Variants in DCAF12L1 observed in about 807,000 individuals in gnomAD.
DCAF12L1 encodes DDB1- and CUL4-associated factor 12-like protein 1.
For missense variants in DCAF12L1, 251 were observed against 409.2 expected, an observed-to-expected ratio of 0.61 and a Z score of 3.34; for synonymous variants, 218 against 196.4, an observed-to-expected ratio of 1.11 and a Z score of -0.92.
rs1569420453 is a variant in DCAF12L1, at chrX:126,550,422, CTATT to C, written c.*704_*707del. On this transcript the variant is annotated 3_prime_UTR_variant, in exon 2 of 2. Coordinates refer to ENST00000371126, the MANE Select transcript of DCAF12L1 (RefSeq NM_178470.5). Reference sequence around the variant, plus strand: ...AGTGAAAAAATACACATTCTTTTATCTATTTAAGGACAGGTGATAACAACTTAAA... The same window carrying C: ...AGTGAAAAAATACACATTCTTTTATCTAAGGACAGGTGATAACAACTTAAA... 8.9e-6 allele frequency: 1 copy of C among 111,978 alleles called. No homozygotes were observed. The allele number at this position is 111,978 out of a possible 1,213,427, so 9.2% of individuals were successfully genotyped here.
At position 126,549,522 on chromosome X, in the gene DCAF12L1, G is replaced by A. The variant is rs1927428706; in HGVS notation, c.*1608C>T. ...TGGAGAAATGAGGCAATATAAAGAT[G>A]ACAATTGTATTCTCTGTTCTCAAGA... On this transcript the variant is annotated 3_prime_UTR_variant, in exon 2 of 2. Transcript: ENST00000371126. 8.9e-6 allele frequency: 1 copy of A among 112,155 alleles called. No individual in the cohort carries two copies. The highest frequency in any genetic ancestry group is 3.2e-5 in the African/African-American group (1 of 30,872). The allele number at this position is 112,155 out of a possible 1,213,427, so 9.2% of individuals were successfully genotyped here. A position where few individuals can be genotyped will look rare whatever the true frequency, so the allele number is the denominator to read the frequency against.
At position 126,549,965 on chromosome X, in the gene DCAF12L1, T is replaced by A. The variant is rs1927435292; in HGVS notation, c.*1165A>T. On this transcript the variant is annotated 3_prime_UTR_variant, in exon 2 of 2. Coordinates refer to ENST00000371126, the MANE Select transcript of DCAF12L1 (RefSeq NM_178470.5). Reference sequence around the variant, plus strand: ...TCAACCTCATCCTATTTATTTTAAATCTCACCTATCTTGAAACGAACTTCC... The same window carrying A: ...TCAACCTCATCCTATTTATTTTAAAACTCACCTATCTTGAAACGAACTTCC... 8.9e-6 allele frequency: 1 copy of A among 112,407 alleles called. No homozygotes were observed. The highest frequency in any genetic ancestry group is 3.2e-5 in the African/African-American group (1 of 30,936). The allele number at this position is 112,407 out of a possible 1,213,427, so 9.3% of individuals were successfully genotyped here.
rs949516013 is a variant in DCAF12L1, at chrX:126,549,384, T to C, written c.*1746A>G. The C allele has an allele frequency of 7.2e-5, 8 of 111,719 alleles. No homozygotes were observed. In the Admixed American group the frequency reaches 7.6e-4, roughly 11 times the overall value. 9.2% of individuals were successfully genotyped at this position (111,719 alleles called of 1,213,427 possible). A position where few individuals can be genotyped will look rare whatever the true frequency, so the allele number is the denominator to read the frequency against. On this transcript the variant is annotated 3_prime_UTR_variant, in exon 2 of 2. Transcript: ENST00000371126. Reference sequence around the variant, plus strand: ...GGGAAAACACAACAGGATTCTATATTATTTAAGAGTAAATATTTATTTATT... The same window carrying C: ...GGGAAAACACAACAGGATTCTATATCATTTAAGAGTAAATATTTATTTATT...
At position 126,552,528 on chromosome X, in the gene DCAF12L1, G is replaced by A. The variant is rs1343782310; in HGVS notation, c.81C>T (p.Gly27=). ...EADAESSPSQ[G]LAAADGEGPL... ...GCCCCTCACCGTCCGCTGCCGCCAAGCCCTGCGACGGCGAGCTCTCGGCGT... is the reference window on the plus strand; with the variant it reads ...GCCCCTCACCGTCCGCTGCCGCCAAACCCTGCGACGGCGAGCTCTCGGCGT... Residue 27 remains glycine, a synonymous_variant, in exon 1 of 2, where the codon GGC becomes GGT. Coordinates refer to ENST00000371126, the MANE Select transcript of DCAF12L1 (RefSeq NM_178470.5). 1 of 1,209,190 alleles carries A rather than the reference G, an allele frequency of 8.3e-7. No individual in the cohort carries two copies. Among genetic ancestry groups the A allele is most frequent in the Non-Finnish European group, 1.1e-6 (1 of 895,299 alleles).
rs2147230959 is a variant in DCAF12L1 at position 126,552,509 on chromosome X, C to T, written c.100G>A (p.Glu34Lys). The T allele has an allele frequency of 8.3e-7, 1 of 1,208,287 alleles. No homozygotes were observed. The highest frequency in any genetic ancestry group is 2.2e-5 in the Admixed American group (1 of 45,910). ...PSQGLAAADG[E>K]GPLLLKRQRR... is the part of the protein sequence containing the mutation. ...TGCCTCTTGAGTAGCAGCGGCCCCT[C>T]ACCGTCCGCTGCCGCCAAGCCCTGC... The change falls in exon 1 of 2, where the codon GAG becomes AAG. Residue 34 changes from glutamate (E) to lysine (K), a missense_variant. Coordinates refer to ENST00000371126, the MANE Select transcript of DCAF12L1 (RefSeq NM_178470.5).
rs757472458 is a variant in DCAF12L1 at position 126,550,947 on chromosome X, T to C, written c.*183A>G. On this transcript the variant is annotated 3_prime_UTR_variant, in exon 2 of 2. Coordinates refer to ENST00000371126, the MANE Select transcript of DCAF12L1 (RefSeq NM_178470.5). ...ATGTATGAATCACTCAAAGAGAGAA[T>C]GCAACTAAAGATTAACGATTAACCA... The C allele has an allele frequency of 6.3e-6, 2 of 315,269 alleles. No homozygotes were observed. Among genetic ancestry groups the C allele is most frequent in the South Asian group, 2.3e-4 (2 of 8,734 alleles). 26.0% of individuals were successfully genotyped at this position (315,269 alleles called of 1,213,427 possible).
rs914971857 is a variant in DCAF12L1, at chrX:126,551,124, G to C, written c.*23-17C>G. 19 of 1,054,048 alleles carry C rather than the reference G, an allele frequency of 1.8e-5. No homozygotes were observed. The highest frequency in any genetic ancestry group is 1.5e-4 in the African/African-American group (8 of 52,440). The allele number at this position is 1,054,048 out of a possible 1,213,427, so 86.9% of individuals were successfully genotyped here. A position where few individuals can be genotyped will look rare whatever the true frequency, so the allele number is the denominator to read the frequency against. ...TGGTTCCACCTGGAAAACAAAAGAC[G>C]CACAGAGTTAAAAGCAAAAAAATGC... On this transcript the variant is annotated splice_polypyrimidine_tract_variant and intron_variant, in intron 1 of 1. Coordinates refer to ENST00000371126, the MANE Select transcript of DCAF12L1 (RefSeq NM_178470.5).
At position 126,551,319 on chromosome X, in the gene DCAF12L1, C is replaced by A. The variant is rs755096870; in HGVS notation, c.1290G>T (p.Ala430=). ...YFGGMEVFPN[A]LYTHCYNWPE... is the part of the protein sequence containing the mutation. The stretch of plus-strand genomic sequence containing the variant: ...GCCAGTTGTAGCAGTGGGTGTAGAG[C>A]GCATTGGGAAACACTTCCATGCCAC... The change falls in exon 1 of 2, where the codon GCG becomes GCT. Residue 430 remains alanine (A), a synonymous_variant. Transcript: ENST00000371126. 2 of 1,211,196 alleles carry A rather than the reference C, an allele frequency of 1.7e-6. No individual in the cohort carries two copies. Among genetic ancestry groups the A allele is most frequent in the East Asian group, 3.0e-5 (1 of 33,776 alleles).
In DCAF12L1 at chrX:126,551,413, C is replaced by T. The variant is rs1290316029; in HGVS notation, c.1196G>A (p.Arg399Lys). 4 of 1,210,314 alleles carry T rather than the reference C, an allele frequency of 3.3e-6. No homozygotes were observed. Among genetic ancestry groups the T allele is most frequent in the African/African-American group, 1.7e-5 (1 of 57,282 alleles). Residue 399 changes from arginine (R) to lysine (K), a missense_variant, in exon 1 of 2, where the codon AGG becomes AAG. Physicochemically the swap from Arg to Lys is conservative, Grantham distance 26. Coordinates refer to ENST00000371126, the MANE Select transcript of DCAF12L1 (RefSeq NM_178470.5). ...GCCACAGGCAAGCCTGAGCTTCCTC[C>T]TTGCAGGTCCCGAAGAGGACTCCAG... ...ATLESSSGPA[R>K]RKLRLACGRG...
In DCAF12L1 at chrX:126,549,546, GA is replaced by G. The variant is rs767357072; in HGVS notation, c.*1583del. The G allele has an allele frequency of 8.9e-5, 10 of 112,160 alleles. No homozygotes were observed. Among genetic ancestry groups the G allele is most frequent in the Non-Finnish European group, 1.7e-4 (9 of 53,252 alleles). The allele number at this position is 112,160 out of a possible 1,213,427, so 9.2% of individuals were successfully genotyped here. A position where few individuals can be genotyped will look rare whatever the true frequency, so the allele number is the denominator to read the frequency against. On this transcript the variant is annotated 3_prime_UTR_variant, in exon 2 of 2. Transcript: ENST00000371126. ...TGACAATTGTATTCTCTGTTCTCAA[GA>G]CATTTACAACTGACTTGGAGACGCA... is the stretch of plus-strand genomic sequence containing the variant.
In DCAF12L1 at chrX:126,551,590, T is replaced by G. The variant is rs772616476; in HGVS notation, c.1019A>C (p.Asn340Thr). The change falls in exon 1 of 2, where the codon AAC becomes ACC. Residue 340 changes from asparagine (N) to threonine (T), a missense_variant. Transcript: ENST00000371126. Reference sequence around the variant, plus strand: ...CTCTCGAGAACACAGGGGCCGGATGTTCTGCTGGTCCTGGCGCAGATCCAG... The same window carrying G: ...CTCTCGAGAACACAGGGGCCGGATGGTCTGCTGGTCCTGGCGCAGATCCAG... The part of the protein sequence containing the change: ...SFLDLRQDQQ[N>T]IRPLCSREGG... The G allele has an allele frequency of 1.7e-6, 2 of 1,211,473 alleles. No individual in the cohort carries two copies. The highest frequency in any genetic ancestry group is 2.2e-5 in the Admixed American group (1 of 46,092).
rs775537701 is a variant in DCAF12L1 at position 126,552,246 on chromosome X, G to A, written c.363C>T (p.Phe121=). The change falls in exon 1 of 2, where the codon TTC becomes TTT. Residue 121 remains phenylalanine, a synonymous_variant. Transcript: ENST00000371126. ...VVCGTKCNTL[F]VVDVESGHIA... is the part of the protein sequence containing the mutation. ...TGTGGCCTGACTCCACGTCCACCAC[G>A]AAAAGCGTGTTACACTTGGTGCCGC... 1 of 1,212,489 alleles carries A rather than the reference G, an allele frequency of 8.2e-7. No homozygotes were observed. Among genetic ancestry groups the A allele is most frequent in the Non-Finnish European group, 1.1e-6 (1 of 895,650 alleles).
At position 126,552,453 on chromosome X, in the gene DCAF12L1, C is replaced by A; in HGVS notation, c.156G>T (p.Ala52=). ...CTACCTCCCGAACCTTCAGATAGTG[C>A]GCCATCGAGCGATACGTCGCCGGCC... ...QRRPATYRSM[A]HYLKVREVGG... is the part of the protein sequence containing the mutation. The change falls in exon 1 of 2, where the codon GCG becomes GCT. Residue 52 remains alanine (A), a synonymous_variant. Transcript: ENST00000371126. 8.3e-7 allele frequency: 1 copy of A among 1,210,658 alleles called. No homozygotes were observed. Among genetic ancestry groups the A allele is most frequent in the Non-Finnish European group, 1.1e-6 (1 of 895,358 alleles).
rs1927446021 is a variant in DCAF12L1, at chrX:126,550,643, A to T, written c.*487T>A. 8.9e-6 allele frequency: 1 copy of T among 112,556 alleles called. No individual in the cohort carries two copies. Among genetic ancestry groups the T allele is most frequent in the Non-Finnish European group, 1.9e-5 (1 of 53,353 alleles). The allele number at this position is 112,556 out of a possible 1,213,427, so 9.3% of individuals were successfully genotyped here. A position where few individuals can be genotyped will look rare whatever the true frequency, so the allele number is the denominator to read the frequency against. On this transcript the variant is annotated 3_prime_UTR_variant, in exon 2 of 2. Coordinates refer to ENST00000371126, the MANE Select transcript of DCAF12L1 (RefSeq NM_178470.5). ...GCACTTTAGCACCAACAACGTAAAA[A>T]CTATATACACTAAGATCACAATTTG...
At position 126,552,642 on chromosome X, in the gene DCAF12L1, TTGG is replaced by T. The variant is rs756501506; in HGVS notation, c.-37_-35del. 4 of 1,194,931 alleles carry T rather than the reference TTGG, an allele frequency of 3.3e-6. No homozygotes were observed. The South Asian group carries it at 5.4e-5, about 16-fold the overall frequency. ...GCGGGCGAGCGGCGGCGGCAAGGCG[TTGG>T]TGGCGGTTGCAGCGCGTGGCTCCGG... is the stretch of plus-strand genomic sequence containing the variant. On this transcript the variant is annotated 5_prime_UTR_variant, in exon 1 of 2. Transcript: ENST00000371126.
rs1353421345 is a variant in DCAF12L1, at chrX:126,549,599, A to G, written c.*1531T>C. The G allele has an allele frequency of 8.9e-6, 1 of 112,252 alleles. No individual in the cohort carries two copies. Among genetic ancestry groups the G allele is most frequent in the Admixed American group, 9.5e-5 (1 of 10,556 alleles). 9.3% of individuals were successfully genotyped at this position (112,252 alleles called of 1,213,427 possible). ...GCACACAAATATATCTTACTGCTAT[A>G]TAACAACAATTATATTAGCCTTTAT... On this transcript the variant is annotated 3_prime_UTR_variant, in exon 2 of 2. Coordinates refer to ENST00000371126, the MANE Select transcript of DCAF12L1 (RefSeq NM_178470.5).
chrX:126,551,937 C>T lies in DCAF12L1; in HGVS notation c.672G>A (p.Pro224=), dbSNP rs770105970. 3.5e-5 allele frequency: 43 copies of T among 1,211,286 alleles called. No individual in the cohort carries two copies. The highest frequency in any genetic ancestry group is 4.6e-5 in the Non-Finnish European group (41 of 895,451). ...DGTVALWRMD[P]DKFDDTVAWH... is the part of the protein sequence containing the mutation. ...AGGCAACAGTGTCATCGAACTTGTCCGGGTCCATCCGCCACAGCGCCACAG... is the reference window on the plus strand; with the variant it reads ...AGGCAACAGTGTCATCGAACTTGTCTGGGTCCATCCGCCACAGCGCCACAG... The change falls in exon 1 of 2, where the codon CCG becomes CCA. Residue 224 remains proline (P), a synonymous_variant. Transcript: ENST00000371126.
In DCAF12L1 at chrX:126,552,395, C is replaced by A; in HGVS notation, c.214G>T (p.Asp72Tyr). 1 of 1,211,357 alleles carries A rather than the reference C, an allele frequency of 8.3e-7. No individual in the cohort carries two copies. Among genetic ancestry groups the A allele is most frequent in the Non-Finnish European group, 1.1e-6 (1 of 895,433 alleles). ...ACCGCGTAGCCCCGCAGCTCGCCATCGAAGCCCTGGAGCCTGGCGGGGCCC... is the reference window on the plus strand; with the variant it reads ...ACCGCGTAGCCCCGCAGCTCGCCATAGAAGCCCTGGAGCCTGGCGGGGCCC... Reference protein sequence around the residue: ...GWGPARLQGFDGELRGYAVQR... With the variant: ...GWGPARLQGFYGELRGYAVQR... Residue 72 changes from aspartate (D) to tyrosine (Y), a missense_variant, in exon 1 of 2, where the codon GAT becomes TAT. Coordinates refer to ENST00000371126, the MANE Select transcript of DCAF12L1 (RefSeq NM_178470.5).
rs772887112 is a variant in DCAF12L1, at chrX:126,552,376, T to A, written c.233A>T (p.Tyr78Phe). Residue 78 changes from tyrosine (Y) to phenylalanine (F), a missense_variant, in exon 1 of 2, where the codon TAC (tyrosine) becomes TTC (phenylalanine). Coordinates refer to ENST00000371126, the MANE Select transcript of DCAF12L1 (RefSeq NM_178470.5). ...CAGCTCGGGCAGCCTCTGTACCGCG[T>A]AGCCCCGCAGCTCGCCATCGAAGCC... ...LQGFDGELRG[Y>F]AVQRLPELLT... is the part of the protein sequence containing the mutation. 1 of 1,211,675 alleles carries A rather than the reference T, an allele frequency of 8.3e-7. No individual in the cohort carries two copies. Among genetic ancestry groups the A allele is most frequent in the Admixed American group, 2.2e-5 (1 of 46,133 alleles).
Sources: allele counts gnomAD v4.1 joint callset, GRCh38; gene constraint gnomAD v4.1.1; transcripts MANE v1.5; gene names NCBI Gene and HGNC (gene_info 2026-07-23, HGNC 2026-07-21).